The following ZFPM1 variants were observed in gnomAD, a reference collection of about 807,000 sequenced individuals.
ZFPM1 encodes zinc finger protein ZFPM1.
A neutral mutation model predicts 46.3 loss-of-function variants in ZFPM1; 28 were observed. That is an observed-to-expected ratio of 0.60 (90% CI 0.45 to 0.83). The LOEUF is 0.83. Among genes scored for constraint, ZFPM1 ranks in the 40% least tolerant of loss-of-function variants. The pLI is 0.00. For missense variants in ZFPM1, 1,878 were observed against 1,432.4 expected, an observed-to-expected ratio of 1.31 and a Z score of -5.02; for synonymous variants, 957 against 675.9, an observed-to-expected ratio of 1.42 and a Z score of -6.45.
Position 88,471,409 on chromosome 16 carries a change from G to A in ZFPM1, c.41-14530G>A, listed in dbSNP as rs146244851. ...TGACCGTGCCCACAGTGGCTCCCAC[G>A]CATAGTGGGGGGGCCAAGACCCCAA... On this transcript the variant is annotated intron_variant, in intron 1 of 9. Coordinates refer to ENST00000319555, the MANE Select transcript of ZFPM1 (RefSeq NM_153813.3). The surrounding 1 kb of genome is among the most constrained non-coding windows in gnomAD (Gnocchi z 4.1). Among the ~76,000 whole-genome samples the A allele has an allele frequency of 7.4e-4, 112 of 150,774 alleles. No individual in the cohort carries two copies. The highest frequency in any genetic ancestry group is 2.6e-3 in the African/African-American group (104 of 40,276).
intron 1 of ZFPM1, among the ~76,000 whole-genome samples, chr16:88,479,677 C>T (rs1474957053): frequency 1.3e-5 from 2 of 152,034 alleles, no homozygotes; most frequent in Non-Finnish European, 2.9e-5. Context: ...CCAGGTTCTC[C>T]CTCCTGGCAA....
intron 1 of ZFPM1, among the ~76,000 whole-genome samples, chr16:88,472,528 A>G (rs1908474144): frequency 6.6e-6 from 1 of 151,374 alleles, no homozygotes; most frequent in Admixed American, 6.6e-5. Flanking sequence ...TAATTTTTGT[A>G]TTTTTAGTAG....
At chr16:88,461,967 A>G (rs570541333) in intron 1 of ZFPM1, among the ~76,000 whole-genome samples, 1 of 152,346 alleles carries the variant, frequency 6.6e-6, no homozygotes, top group Non-Finnish European at 1.5e-5. Flanking sequence ...TTCTCTGGGC[A>G]CTGCCCACTC....
intron 4 of ZFPM1, chr16:88,516,466 G>A (rs1911304165): frequency 7.5e-6 from 3 of 398,386 alleles, no homozygotes; most frequent in Non-Finnish European, 1.3e-5. Flanking sequence ...GCTCTGTGGG[G>A]AGCCCGGGGA....
In ZFPM1 at chr16:88,476,724, G is replaced by A. The variant is rs372419610; in HGVS notation, c.41-9215G>A. Among the ~76,000 whole-genome samples, 36 of 152,330 alleles carry A rather than the reference G, an allele frequency of 2.4e-4. No individual in the cohort carries two copies. In the South Asian group the frequency reaches 7.0e-3, roughly 30 times the overall value. ...GGAGACAGTTCTTCACACAGCAAGT[G>A]TGTTGTGGAATCCAGGCTGTTGGCA... On this transcript the variant is annotated intron_variant, in intron 1 of 9. Coordinates refer to ENST00000319555, the MANE Select transcript of ZFPM1 (RefSeq NM_153813.3).
intron 1 of ZFPM1, among the ~76,000 whole-genome samples, chr16:88,477,026 C>T (rs1169965422): frequency 6.6e-6 from 1 of 152,226 alleles, no homozygotes. Context: ...CCCTTCTCCA[C>T]ACCATCGCAG....
At chr16:88,516,825 T>C (rs1362379099) in intron 4 of ZFPM1, among the ~76,000 whole-genome samples, 3 of 152,116 alleles carry the variant, frequency 2.0e-5, no homozygotes, top group Non-Finnish European at 4.4e-5. Context: ...GGGGTGCAGA[T>C]GCGATGCTGT....
chr16:88,532,557 C>T (rs1912874616), intron 7 of ZFPM1, 57 bp from the exon 8 acceptor site: 6 of 1,522,162 alleles, frequency 3.9e-6, no homozygotes, highest in Non-Finnish European at 4.4e-6. Context: ...TTCCTCATCC[C>T]TGGAGTCCCA....
At position 88,534,408 on chromosome 16, in the gene ZFPM1, A is replaced by C; in HGVS notation, c.2450A>C (p.His817Pro). ...CCGGCACCGGCGCTGGCCGACTACCACGAGTGCACGGCCTGCCGCGTGAGC... is the reference window on the plus strand; with the variant it reads ...CCGGCACCGGCGCTGGCCGACTACCCCGAGTGCACGGCCTGCCGCGTGAGC... ...GAPAPALADY[H>P]ECTACRVSFH... The change falls in exon 10 of 10, where the codon CAC becomes CCC. Residue 817 changes from histidine to proline, a missense_variant. Physicochemically the swap from His to Pro is moderately conservative, Grantham distance 77. Coordinates refer to ENST00000319555, the MANE Select transcript of ZFPM1 (RefSeq NM_153813.3). 1.3e-6 allele frequency: 2 copies of C among 1,481,646 alleles called. No individual in the cohort carries two copies. The highest frequency in any genetic ancestry group is 1.8e-6 in the Non-Finnish European group (2 of 1,123,048). 91.8% of individuals were successfully genotyped at this position (1,481,646 alleles called of 1,614,324 possible). A position where few individuals can be genotyped will look rare whatever the true frequency, so the allele number is the denominator to read the frequency against.
At chr16:88,452,412 G>C (rs1051136363), upstream of ZFPM1, among the ~76,000 whole-genome samples, 5 of 152,360 alleles carry the variant, frequency 3.3e-5, no homozygotes, top group African/African-American at 1.2e-4. Context: ...TCTCCTGCGG[G>C]GCGCCCTGGA....
intron 3 of ZFPM1, 55 bp downstream of exon 3, chr16:88,489,208 GC>G: frequency 6.5e-7 from 1 of 1,532,926 alleles, no homozygotes; most frequent in Non-Finnish European, 8.8e-7. Flanking sequence ...GCCTGGCCCG[GC>G]CCCTGGGAGC....
intron 1 of ZFPM1, among the ~76,000 whole-genome samples, chr16:88,468,183 C>T (rs1421042729): frequency 7.0e-6 from 1 of 142,856 alleles, no homozygotes; most frequent in East Asian, 2.1e-4. Context: ...CTGACGCACC[C>T]GCGAGCCCAC....
rs1220586272 is a variant in ZFPM1 at position 88,535,385 on chromosome 16, C to G, written c.*406C>G. On this transcript the variant is annotated 3_prime_UTR_variant, in exon 10 of 10. Coordinates refer to ENST00000319555, the MANE Select transcript of ZFPM1 (RefSeq NM_153813.3). ...CCGCTCTGGGCCTACCCCACCCCAG[C>G]CCTGTCCATACCCCCCTAGGGAGAG... 1.3e-5 allele frequency: 2 copies of G among 159,160 alleles called. No homozygotes were observed. Among genetic ancestry groups the G allele is most frequent in the Non-Finnish European group, 1.4e-5 (1 of 72,896 alleles). 9.9% of individuals were successfully genotyped at this position (159,160 alleles called of 1,614,324 possible). A position where few individuals can be genotyped will look rare whatever the true frequency, so the allele number is the denominator to read the frequency against.
chr16:88,532,222 G>T lies in ZFPM1; in HGVS notation c.933G>T (p.Met311Ile), dbSNP rs753851851. 1.2e-6 allele frequency: 2 copies of T among 1,604,218 alleles called. No individual in the cohort carries two copies. Among genetic ancestry groups the T allele is most frequent in the East Asian group, 4.5e-5 (2 of 44,606 alleles). ...CPSASSLEIH[M>I]RSHSGERPFV... ...GCGCCAGCTCCCTGGAGATCCACAT[G>T]CGCAGCCACAGCGGTGAGCCCCCAC... Residue 311 changes from methionine (M) to isoleucine (I), a missense_variant, in exon 7 of 10, where the codon ATG becomes ATT. Coordinates refer to ENST00000319555, the MANE Select transcript of ZFPM1 (RefSeq NM_153813.3).
At chr16:88,514,575 G>T in intron 4 of ZFPM1, 55 bp downstream of exon 4, 1 of 1,502,112 alleles carries the variant, frequency 6.7e-7, no homozygotes, top group East Asian at 2.5e-5. Flanking sequence ...GGGCAACATG[G>T]ACCCAGGGGA....
chr16:88,474,326 C>T (rs919532139), intron 1 of ZFPM1, among the ~76,000 whole-genome samples: 2 of 152,238 alleles, frequency 1.3e-5, no homozygotes, highest in East Asian at 3.9e-4. Flanking sequence ...CAAGGGAGCC[C>T]GAAGAGGTGG....
At chr16:88,459,551 CCTT>C (rs1384537389) in intron 1 of ZFPM1, among the ~76,000 whole-genome samples, 1 of 143,730 alleles carries the variant, frequency 7.0e-6, no homozygotes, top group East Asian at 2.1e-4. Context: ...CCTTCCTCCT[CCTT>C]CTCTTCATTC....
chr16:88,524,490 C>G (rs1412867018), intron 4 of ZFPM1, among the ~76,000 whole-genome samples: 40 of 152,102 alleles, frequency 2.6e-4, no homozygotes, highest in Non-Finnish European at 2.9e-5. Flanking sequence ...CCAGCCTGCA[C>G]AAAGCACCTT....
chr16:88,506,225 C>T (rs1325448759), intron 3 of ZFPM1, among the ~76,000 whole-genome samples: 1 of 99,064 alleles, frequency 1.0e-5, no homozygotes, highest in Non-Finnish European at 1.9e-5. Context: ...GGGGCAGGGG[C>T]AGGGAGACCA....
Sources: allele counts gnomAD v4.1 joint callset (sites outside exome capture counted in the v4.1 genomes callset), GRCh38; gene constraint gnomAD v4.1.1; non-coding constraint Gnocchi (gnomAD v3.1); transcripts MANE v1.5; gene names NCBI Gene and HGNC (gene_info 2026-07-23, HGNC 2026-07-21).